ERC2: variants seen among roughly 807,000 people sequenced by gnomAD.
ERC2 encodes ELKS/RAB6-interacting/CAST family member 2, also known as ERC protein 2.
Under a neutral mutation model 114.8 loss-of-function variants are expected in ERC2, and 42 were observed. That is an observed-to-expected ratio of 0.37 (90% CI 0.29 to 0.47). ERC2 has a LOEUF of 0.47. Among genes scored for constraint, ERC2 ranks in the 20% least tolerant of loss-of-function variants. ERC2 has a pLI of 0.99. For missense variants in ERC2, 939 were observed against 1,150.7 expected, an observed-to-expected ratio of 0.82 and a Z score of 2.66; for synonymous variants, 454 against 425.5, an observed-to-expected ratio of 1.07 and a Z score of -0.82.
intron 7 of ERC2, among the ~76,000 whole-genome samples, chr3:56,073,188 A>G (rs1316364415): frequency 2.0e-5 from 3 of 152,180 alleles, no homozygotes; most frequent in African/African-American, 7.2e-5. Flanking sequence ...AGGTGGGAGA[A>G]AGGTCTGTTA....
At chr3:55,585,780 C>G (rs1260439091) in intron 17 of ERC2, among the ~76,000 whole-genome samples, 1 of 152,154 alleles carries the variant, frequency 6.6e-6, no homozygotes, top group Non-Finnish European at 1.5e-5. Context: ...GCCATGTGAA[C>G]TACCTTTTTG....
chr3:55,885,079 C>G (rs2063300073), intron 14 of ERC2, among the ~76,000 whole-genome samples: 1 of 152,152 alleles, frequency 6.6e-6, no homozygotes, highest in Non-Finnish European at 1.5e-5. Flanking sequence ...CCTCTTCCCT[C>G]TAACATCACA....
At chr3:55,689,151 G>A (rs1364864093) in intron 16 of ERC2, among the ~76,000 whole-genome samples, 1 of 152,146 alleles carries the variant, frequency 6.6e-6, no homozygotes, top group Non-Finnish European at 1.5e-5. Context: ...ACACGCTGAG[G>A]CAGGGCAGCC....
Position 55,899,532 on chromosome 3 carries a change from T to TGA in ERC2, c.2404-10985_2404-10984dup, listed in dbSNP as rs563581495. ...GTGTGTGAGAGAGAGAGTGTGTGTG[T>TGA]GATTTAAAAGTGTTACAAAGAAATT... On this transcript the variant is annotated intron_variant, in intron 13 of 17. Coordinates refer to ENST00000288221, the MANE Select transcript of ERC2 (RefSeq NM_015576.3). Among the ~76,000 whole-genome samples the TGA allele has an allele frequency of 2.4e-3, 372 of 152,276 alleles. 4 individuals are homozygous for TGA. The highest frequency in any genetic ancestry group is 2.7e-3 in the Admixed American group (41 of 15,306).
At chr3:56,267,028 A>T (rs942202717) in intron 3 of ERC2, among the ~76,000 whole-genome samples, 1 of 152,196 alleles carries the variant, frequency 6.6e-6, no homozygotes, top group Admixed American at 6.5e-5. Flanking sequence ...AGAATCCCTT[A>T]TCCAAAATGC....
intron 14 of ERC2, among the ~76,000 whole-genome samples, chr3:55,869,580 C>T (rs1024820325): frequency 6.6e-6 from 1 of 152,146 alleles, no homozygotes; most frequent in Admixed American, 6.5e-5. Flanking sequence ...GTTGAAATGA[C>T]CCTCCCTCCT....
intron 10 of ERC2, among the ~76,000 whole-genome samples, chr3:55,996,142 C>T (rs922547897): frequency 1.3e-5 from 2 of 152,196 alleles, no homozygotes; most frequent in Non-Finnish European, 2.9e-5. Flanking sequence ...TGAAAATGCA[C>T]AGTAATATTT....
In ERC2 at chr3:56,397,545, T is replaced by C. The variant is rs186958664; in HGVS notation, c.657+36806A>G. Among the ~76,000 whole-genome samples the C allele has an allele frequency of 2.0e-3, 308 of 152,298 alleles. 1 individual carries two copies. Among genetic ancestry groups the C allele is most frequent in the African/African-American group, 6.8e-3 (284 of 41,552 alleles). On this transcript the variant is annotated intron_variant, in intron 2 of 17. Coordinates refer to ENST00000288221, the MANE Select transcript of ERC2 (RefSeq NM_015576.3). ...CTTACATAATGATGCAACTGTTTCA[T>C]ATTGGTACATACAAACATAGTTAAC...
chr3:56,125,243 C>T (rs2079803973), intron 6 of ERC2, among the ~76,000 whole-genome samples: 1 of 152,084 alleles, frequency 6.6e-6, no homozygotes, highest in South Asian at 2.1e-4. Flanking sequence ...ATTTAGGATT[C>T]CTTGAATCAG....
At chr3:55,583,581 CTT>C (rs1297822691) in intron 17 of ERC2, among the ~76,000 whole-genome samples, 1 of 139,274 alleles carries the variant, frequency 7.2e-6, no homozygotes, top group Non-Finnish European at 1.5e-5. Context: ...TCCTTCCTTC[CTT>C]CCTTCCTTCC....
rs543834718 is a variant in ERC2 at position 55,690,465 on chromosome 3, G to C, written c.2848-6606C>G. On this transcript the variant is annotated intron_variant, in intron 16 of 17. Transcript: ENST00000288221. ...AGACAAATGCGACTGGATTAAAGCA[G>C]CAAGTTGAAAAGAAATCAACCCTCC... Among the ~76,000 whole-genome samples, 6 of 152,298 alleles carry C rather than the reference G, an allele frequency of 3.9e-5. No individual in the cohort carries two copies. In the South Asian group the frequency reaches 1.2e-3, roughly 32 times the overall value.
intron 15 of ERC2, among the ~76,000 whole-genome samples, chr3:55,721,628 A>G (rs2064558377): frequency 6.6e-6 from 1 of 152,238 alleles, no homozygotes; most frequent in Non-Finnish European, 1.5e-5. Flanking sequence ...GAGCTGGGCT[A>G]GAACTCTTGG....
chr3:55,690,437 C>G (rs1467532492), intron 16 of ERC2, among the ~76,000 whole-genome samples: 2 of 152,188 alleles, frequency 1.3e-5, no homozygotes, highest in East Asian at 1.9e-4. Flanking sequence ...AGTGCTGCCT[C>G]TTAGACAAAT....
intron 3 of ERC2, among the ~76,000 whole-genome samples, chr3:56,288,289 A>T (rs1372737508): frequency 6.6e-6 from 1 of 152,172 alleles, no homozygotes; most frequent in East Asian, 1.9e-4. Flanking sequence ...TTACCCAAAA[A>T]ATATTTTTCA....
At chr3:56,369,544 G>A (rs867031678) in intron 2 of ERC2, among the ~76,000 whole-genome samples, 4 of 152,216 alleles carry the variant, frequency 2.6e-5, no homozygotes, top group Non-Finnish European at 4.4e-5. Context: ...TGATAGTACA[G>A]ATACTTGCTA....
chr3:56,239,376 T>C (rs1045321912), intron 3 of ERC2, among the ~76,000 whole-genome samples: 1 of 152,086 alleles, frequency 6.6e-6, no homozygotes, highest in African/African-American at 2.4e-5. Flanking sequence ...CATGGTGGCA[T>C]GCGCCTGTTG....
rs185978870 is a variant in ERC2 at position 55,544,641 on chromosome 3, C to T, written c.*40-33365G>A. Among the ~76,000 whole-genome samples the T allele has an allele frequency of 5.3e-5, 8 of 152,274 alleles. No homozygotes were observed. The East Asian group carries it at 1.5e-3, about 29-fold the overall frequency. ...AAATGCTGGATCCTCGCTGGATACT[C>T]CTTGGATTCCTTGAAGAATTCAGCA... On this transcript the variant is annotated intron_variant, in intron 17 of 17. Coordinates refer to ENST00000288221, the MANE Select transcript of ERC2 (RefSeq NM_015576.3).
At chr3:55,953,527 C>A (rs1218235150) in intron 12 of ERC2, among the ~76,000 whole-genome samples, 1 of 152,092 alleles carries the variant, frequency 6.6e-6, no homozygotes, top group African/African-American at 2.4e-5. Flanking sequence ...TTACTTAATG[C>A]TTACTTGAAA....
rs1457255759 is a variant in ERC2 at position 56,068,460 on chromosome 3, T to TTTTA, written c.1641+12353_1641+12356dup. Among the ~76,000 whole-genome samples the TTTTA allele has an allele frequency of 1.1e-4, 17 of 152,160 alleles. No homozygotes were observed. In the South Asian group the frequency reaches 3.5e-3, roughly 32 times the overall value. On this transcript the variant is annotated intron_variant, in intron 7 of 17. Transcript: ENST00000288221. ...CTTTATTAGTCTAGCTAGTGGTCCA[T>TTTTA]TTTATTTATTTATTTATTTTTTTCC...
Sources: gnomAD v4.1 joint callset for allele counts (sites outside exome capture counted in the v4.1 genomes callset) on GRCh38, gnomAD v4.1.1 for gene constraint, MANE v1.5 for transcripts, NCBI Gene and HGNC (gene_info 2026-07-23, HGNC 2026-07-21) for gene names.